Variants in MADD observed in about 807,000 individuals in gnomAD.
MADD encodes MAP kinase-activating death domain protein.
A neutral mutation model predicts 176.7 loss-of-function variants in MADD; 109 were observed. The observed-to-expected ratio is 0.62, with a 90% CI of 0.53 to 0.72. The LOEUF is 0.72. Ranked by LOEUF, MADD falls within the 30% of genes least tolerant of loss-of-function variation. The pLI is 0.00. For synonymous variants in MADD, 771 were observed against 771.3 expected (o/e 1.00, Z 0.01); for missense variants, 1,914 against 2,045.5 (o/e 0.94, Z 1.24).
At chr11:47,311,237 G>A (rs1273581535) in intron 25 of MADD, among the ~76,000 whole-genome samples, 1 of 152,148 alleles carries the variant, frequency 6.6e-6, no homozygotes, top group Non-Finnish European at 1.5e-5. Flanking sequence ...AATGCCCCCA[G>A]CCCCTCTTGG....
At chr11:47,281,353 A>G (rs891636234) in intron 7 of MADD, among the ~76,000 whole-genome samples, 1 of 152,234 alleles carries the variant, frequency 6.6e-6, no homozygotes, top group African/African-American at 2.4e-5. Flanking sequence ...ACATATTTCA[A>G]ACTGTTTTCT....
intron 10 of MADD, 111 bp downstream of exon 10, chr11:47,283,080 A>AATTTT: frequency 1.1e-6 from 1 of 889,914 alleles, no homozygotes; most frequent in Non-Finnish European, 1.5e-6. Context: ...CAGTGTTTTT[A>AATTTT]ATTTTATTTT....
At chr11:47,277,608 A>G (rs764928070) in intron 5 of MADD, among the ~76,000 whole-genome samples, 1 of 152,194 alleles carries the variant, frequency 6.6e-6, no homozygotes, top group African/African-American at 2.4e-5. Flanking sequence ...CTTTCTACAT[A>G]TATTTGGCTT....
intron 7 of MADD, among the ~76,000 whole-genome samples, chr11:47,279,312 A>G (rs1158555986): frequency 1.3e-5 from 2 of 151,882 alleles, no homozygotes; most frequent in Admixed American, 1.3e-4. Context: ...GATGCTGTAT[A>G]AAATAGCCCT....
intron 27 of MADD, among the ~76,000 whole-genome samples, chr11:47,319,757 G>A (rs1445475143): frequency 2.6e-5 from 4 of 151,768 alleles, no homozygotes; most frequent in African/African-American, 4.8e-5. Flanking sequence ...TTGGGAGGCC[G>A]AGGCAGGTGG....
At chr11:47,274,621 G>A in exon 3 of MADD, 1 of 1,614,204 alleles carries the variant, frequency 6.2e-7, no homozygotes, top group South Asian at 1.1e-5. Flanking sequence ...ATACCCCTTG[G>A]AGGATCACAC....
At chr11:47,277,284 CT>C (rs2050994935) in intron 5 of MADD, among the ~76,000 whole-genome samples, 1 of 151,674 alleles carries the variant, frequency 6.6e-6, no homozygotes, top group East Asian at 1.9e-4. Flanking sequence ...ACAGTTTTCT[CT>C]TTGGGCATAT....
Position 47,271,526 on chromosome 11 carries a change from T to C in MADD, c.-89+1280T>C, listed in dbSNP as rs564563665. ...CAGATAGTTGTCAGTGGAGAGGGAC[T>C]GAGATCCCACCAAGGCTAGAGAGGC... On this transcript the variant is annotated intron_variant, in intron 1 of 32. Coordinates refer to ENST00000402192, the Ensembl canonical transcript of MADD. Among the ~76,000 whole-genome samples, 340 of 152,288 alleles carry C rather than the reference T, an allele frequency of 2.2e-3. 1 individual carries two copies. Among genetic ancestry groups the C allele is most frequent in the Non-Finnish European group, 3.3e-3 (227 of 68,020 alleles).
At chr11:47,294,238 A>G (rs1003730708) in intron 20 of MADD, among the ~76,000 whole-genome samples, 1 of 151,410 alleles carries the variant, frequency 6.6e-6, no homozygotes, top group Non-Finnish European at 1.5e-5. Context: ...AATCCCAGCT[A>G]CTCGGGAGGC....
At chr11:47,290,155 A>G in exon 18 of MADD, 1 of 1,613,952 alleles carries the variant, frequency 6.2e-7, no homozygotes, top group Non-Finnish European at 8.5e-7. Context: ...GCAGGAGATC[A>G]GTCGGAAGGT....
intron 19 of MADD, among the ~76,000 whole-genome samples, chr11:47,291,259 C>T (rs2065014829): frequency 6.6e-6 from 1 of 152,190 alleles, no homozygotes; most frequent in Non-Finnish European, 1.5e-5. Flanking sequence ...GAATGTGCTC[C>T]TCTGGGGCAT....
intron 15 of MADD, among the ~76,000 whole-genome samples, chr11:47,287,495 C>T (rs556854405): frequency 2.0e-5 from 3 of 152,020 alleles, no homozygotes; most frequent in East Asian, 1.9e-4. Context: ...CTGTAACTGC[C>T]GCCATCCAGG....
At chr11:47,328,904 G>C in intron 32 of MADD, 142 bp from the exon 37 acceptor site, 1 of 955,262 alleles carries the variant, frequency 1.0e-6, no homozygotes, top group Non-Finnish European at 1.6e-6. Flanking sequence ...CTCCCATGGG[G>C]ACAGCTTCCT....
intron 26 of MADD, among the ~76,000 whole-genome samples, chr11:47,314,313 G>A (rs574967677): frequency 3.3e-5 from 5 of 152,080 alleles, no homozygotes; most frequent in African/African-American, 9.6e-5. Context: ...GGGCTCAAAC[G>A]GTACTCCTGA....
intron 22 of MADD, among the ~76,000 whole-genome samples, chr11:47,304,694 T>C (rs2081181305): frequency 6.6e-6 from 1 of 152,248 alleles, no homozygotes; most frequent in Non-Finnish European, 1.5e-5. Context: ...CTCATTGCAT[T>C]TCCTTAAGAT....
Position 47,295,549 on chromosome 11 carries a change from C to G in MADD, c.3456C>G (p.Ser1152Arg), listed in dbSNP as rs2070660374. The G allele has an allele frequency of 2.5e-6, 4 of 1,613,960 alleles. No homozygotes were observed. The South Asian group carries it at 4.4e-5, about 18-fold the overall frequency. ...TGAGTCCAGCTGTTATGATCCGCAG[C>G]TCAAGTCAGGATTCTGAAGTTAGCA... is the stretch of plus-strand genomic sequence containing the variant. Residue 1152 changes from serine to arginine, a missense_variant, in exon 21 of 33, where the codon AGC (serine) becomes AGG (arginine). Around this residue, in one of 2 missense-constraint regions of MADD, gnomAD observed 1,767 missense variants for 1,836.0 expected, o/e 0.96. Coordinates refer to ENST00000402192, the Ensembl canonical transcript of MADD.
intron 27 of MADD, among the ~76,000 whole-genome samples, chr11:47,321,007 A>G (rs1029241345): frequency 6.6e-6 from 1 of 152,220 alleles, no homozygotes; most frequent in Non-Finnish European, 1.5e-5. Context: ...TCTATAGGAT[A>G]TAGTCCTAGA....
chr11:47,328,232 C>A (rs1368516767), intron 31 of MADD: 1 of 1,088,734 alleles, frequency 9.2e-7, no homozygotes, highest in East Asian at 7.1e-5. Context: ...GTGACGAGTT[C>A]ACGGGTGTCT....
chr11:47,309,074 C>G (rs2085671205), intron 23 of MADD, 32 bp downstream of exon 26: 1 of 1,611,542 alleles, frequency 6.2e-7, no homozygotes, highest in Non-Finnish European at 8.5e-7. Context: ...CTGTGTTCAT[C>G]CCTCCTCCTT....
Sources: gnomAD v4.1 joint callset for allele counts (sites outside exome capture counted in the v4.1 genomes callset) on GRCh38, gnomAD v4.1.1 for gene constraint, gnomAD v4.1.1 regional missense constraint, MANE v1.5 for transcripts, NCBI Gene and HGNC (gene_info 2026-07-23, HGNC 2026-07-21) for gene names.